Variants in TMEM67 observed in about 807,000 individuals in gnomAD.
The protein encoded by TMEM67 is transmembrane protein 67.
Under a neutral mutation model 136.6 loss-of-function variants are expected in TMEM67, and 124 were observed. That is an observed-to-expected ratio of 0.91 (90% CI 0.78 to 1.05). TMEM67 has a LOEUF of 1.05. Among genes scored for constraint, TMEM67 ranks in the 50% least tolerant of loss-of-function variants. The pLI is 0.00. For missense variants in TMEM67, 1,107 were observed against 1,178.4 expected (o/e 0.94, Z 0.89); for synonymous variants, 364 against 390.5 (o/e 0.93, Z 0.80).
In TMEM67 at chr8:93,780,999, TC is replaced by T; in HGVS notation, c.978+18del. ...GAAAACCAGGTAAAAGTGTCTAATA[TC>T]ATTAGAGGATAACTACATTTTGATT... On this transcript the variant is annotated intron_variant, in intron 9 of 27. Transcript: ENST00000453321. 16 of 1,342,738 alleles carry T rather than the reference TC, an allele frequency of 1.2e-5. No homozygotes were observed. Among genetic ancestry groups the T allele is most frequent in the Non-Finnish European group, 1.6e-5 (15 of 934,096 alleles). The allele number at this position is 1,342,738 out of a possible 1,614,324, so 83.2% of individuals were successfully genotyped here. A position where few individuals can be genotyped will look rare whatever the true frequency, so the allele number is the denominator to read the frequency against.
intron 26 of TMEM67, among the ~76,000 whole-genome samples, chr8:93,814,003 G>A (rs1808800839): frequency 6.6e-6 from 1 of 152,118 alleles, no homozygotes. Context: ...TTTCAAGAGA[G>A]AACATTACCA....
At chr8:93,787,731 T>G in intron 13 of TMEM67, 113 bp from the exon 14 acceptor site, 10 of 831,120 alleles carry the variant, frequency 1.2e-5, no homozygotes, top group Non-Finnish European at 2.0e-5. Flanking sequence ...GTTAACTACT[T>G]GGTTCTGAGA....
intron 2 of TMEM67, among the ~76,000 whole-genome samples, chr8:93,757,631 G>T (rs1284260489): frequency 6.8e-6 from 1 of 146,922 alleles, no homozygotes; most frequent in Non-Finnish European, 1.5e-5. Context: ...CAAAGACTCT[G>T]TCTCAAAAAA....
chr8:93,759,785 A>T (rs1812742750), intron 3 of TMEM67: 1 of 377,246 alleles, frequency 2.7e-6, no homozygotes, highest in Admixed American at 4.1e-5. Context: ...AGTAGTTGGG[A>T]TTATAGGCAT....
intron 12 of TMEM67, chr8:93,785,823 C>A: frequency 4.2e-6 from 1 of 235,954 alleles, no homozygotes; most frequent in Non-Finnish European, 8.3e-6. Context: ...CCTATAATCG[C>A]AGCACTTTGG....
intron 26 of TMEM67, among the ~76,000 whole-genome samples, chr8:93,811,546 T>C (rs950135514): frequency 1.3e-5 from 2 of 152,280 alleles, no homozygotes; most frequent in African/African-American, 4.8e-5. Flanking sequence ...AAAATTTTTT[T>C]TTATTTTTTT....
intron 7 of TMEM67, among the ~76,000 whole-genome samples, chr8:93,775,501 C>T (rs2130636502): frequency 6.6e-6 from 1 of 152,296 alleles, no homozygotes; most frequent in African/African-American, 2.4e-5. Context: ...GCATTTAAGT[C>T]TTTAAACCAT....
Position 93,797,456 on chromosome 8 carries a change from CT to C in TMEM67, c.2087del (p.Leu696ProfsTer12), listed in dbSNP as rs759021284. The C allele has an allele frequency of 6.2e-7, 1 of 1,613,642 alleles. No homozygotes were observed. The highest frequency in any genetic ancestry group is 1.1e-5 in the South Asian group (1 of 91,018). On this transcript the variant is annotated frameshift_variant, in exon 20 of 28. Coordinates refer to ENST00000453321, the MANE Select transcript of TMEM67 (RefSeq NM_153704.6). LOFTEE classifies it high-confidence loss of function. ...INSLFQVLTV[L>X]FFLEVVGFKN... ...TTCACTCTTTCAAGTACTTACTGTC[CT>C]CTTCTTTTTGGAGGTATAAACTGTT...
Position 93,815,336 on chromosome 8 carries a change from T to C in TMEM67, c.2796T>C (p.Tyr932=). 19 of 1,604,458 alleles carry C rather than the reference T, an allele frequency of 1.2e-5. No individual in the cohort carries two copies. The highest frequency in any genetic ancestry group is 1.6e-5 in the Non-Finnish European group (19 of 1,173,508). The change falls in exon 27 of 28, where the codon TAT becomes TAC. Residue 932 remains tyrosine, a synonymous_variant. Coordinates refer to ENST00000453321, the MANE Select transcript of TMEM67 (RefSeq NM_153704.6). ...GTTATTCTTTCAGCAGTGTCCTGTA[T>C]TATGGAAATGAAGCTACTCTTCTTA... ...DEGYSFSSVL[Y]YGNEATLLIF... is the part of the protein sequence containing the mutation.
chr8:93,800,521 A>G (rs1814826933), intron 21 of TMEM67, among the ~76,000 whole-genome samples: 1 of 152,168 alleles, frequency 6.6e-6, no homozygotes, highest in African/African-American at 2.4e-5. Flanking sequence ...CTATAAGGAC[A>G]ATTGTAATTG....
rs1813652372 is a variant in TMEM67 at position 93,778,312 on chromosome 8, G to A, written c.715-2281G>A. On this transcript the variant is annotated intron_variant, in intron 7 of 27. Transcript: ENST00000453321. Reference sequence around the variant, plus strand: ...TGGGTCTTTACTCTTTATCCAATTTGCCAGTCTGTGTCTTTTAATTGGAGC... The same window carrying A: ...TGGGTCTTTACTCTTTATCCAATTTACCAGTCTGTGTCTTTTAATTGGAGC... 2.6e-5 allele frequency among the ~76,000 whole-genome samples: 4 copies of A among 152,116 alleles called. No homozygotes were observed. The South Asian group carries it at 8.3e-4, about 31-fold the overall frequency.
In TMEM67 at chr8:93,808,852, A is replaced by T. The variant is rs756806051; in HGVS notation, c.2452A>T (p.Ser818Cys). The T allele has an allele frequency of 1.2e-6, 2 of 1,607,786 alleles. No individual in the cohort carries two copies. The highest frequency in any genetic ancestry group is 4.5e-5 in the East Asian group (2 of 44,730). The change falls in exon 24 of 28, where the codon AGC (serine) becomes TGC (cysteine). Residue 818 changes from serine to cysteine, a missense_variant. Transcript: ENST00000453321. ...NLKREAENLC[S>C]QRGLVPNTDG... ...TTTAACTTTTCAGGAAAATTTGTGT[A>T]GCCAGAGAGGTTTGGTACCCAACAC...
intron 27 of TMEM67, among the ~76,000 whole-genome samples, chr8:93,815,760 A>G (rs1210832783): frequency 6.6e-6 from 1 of 152,206 alleles, no homozygotes; most frequent in African/African-American, 2.4e-5. Flanking sequence ...TTAGAGTCCC[A>G]TCCACCCTCT....
At chr8:93,769,925 A>T (rs1813258560) in intron 6 of TMEM67, among the ~76,000 whole-genome samples, 1 of 152,230 alleles carries the variant, frequency 6.6e-6, no homozygotes, top group Non-Finnish European at 1.5e-5. Context: ...AAATTGGTAC[A>T]TAATTTTGTT....
At position 93,787,843 on chromosome 8, in the gene TMEM67, G is replaced by A; in HGVS notation, c.1413-1G>A. 1.2e-6 allele frequency: 2 copies of A among 1,608,472 alleles called. No individual in the cohort carries two copies. The highest frequency in any genetic ancestry group is 2.2e-5 in the South Asian group (2 of 90,992). ...CTATAAATGCATTTTCTTTTAAATA[G>A]TGTCCACCTTGTACCCAACACAATA... On this transcript the variant is annotated splice_acceptor_variant, in intron 13 of 27. Coordinates refer to ENST00000453321, the MANE Select transcript of TMEM67 (RefSeq NM_153704.6). LOFTEE classifies it high-confidence loss of function.
At chr8:93,768,837 T>A (rs1813199801) in intron 6 of TMEM67, among the ~76,000 whole-genome samples, 1 of 152,038 alleles carries the variant, frequency 6.6e-6, no homozygotes, top group Non-Finnish European at 1.5e-5. Context: ...GCTAGCACCA[T>A]GCAGTTGACC....
chr8:93,770,969 C>T (rs1386633274), intron 6 of TMEM67, among the ~76,000 whole-genome samples: 2 of 151,196 alleles, frequency 1.3e-5, no homozygotes, highest in Non-Finnish European at 2.9e-5. Flanking sequence ...GAGCCAAGAT[C>T]GCGCCATTGC....
intron 3 of TMEM67, 103 bp downstream of exon 3, chr8:93,758,679 A>G: frequency 9.9e-7 from 1 of 1,006,356 alleles, no homozygotes; most frequent in Non-Finnish European, 1.6e-6. Context: ...TGATTACTTA[A>G]TATTTTTGCA....
intron 17 of TMEM67, 90 bp downstream of exon 17, chr8:93,795,597 T>G: frequency 8.3e-7 from 1 of 1,205,488 alleles, no homozygotes. Flanking sequence ...TTTGAGAGAA[T>G]TTTTGATCAA....
Sources: gnomAD v4.1 joint callset for allele counts (sites outside exome capture counted in the v4.1 genomes callset) on GRCh38, gnomAD v4.1.1 for gene constraint, MANE v1.5 for transcripts, NCBI Gene and HGNC (gene_info 2026-07-23, HGNC 2026-07-21) for gene names.